The following FRRS1 variants were observed in gnomAD, a reference collection of about 807,000 sequenced individuals.
FRRS1 encodes the protein ferric chelate reductase 1, also known as ferric reductase 1.
FRRS1 carries 51 observed loss-of-function variants against 70.7 expected under a neutral mutation model. That is an observed-to-expected ratio of 0.72 (90% CI 0.58 to 0.91). The LOEUF (loss-of-function observed/expected upper bound fraction) is 0.91. Among genes scored for constraint, FRRS1 ranks in the 40% least tolerant of loss-of-function variants. FRRS1 has a pLI of 0.00. For synonymous variants in FRRS1, 225 were observed against 238.7 expected, an observed-to-expected ratio of 0.94 and a Z score of 0.53; for missense variants, 672 against 726.0, an observed-to-expected ratio of 0.93 and a Z score of 0.86.
Position 99,719,591 on chromosome 1 carries a change from TCA to T in FRRS1, c.1061_1062del (p.Val354AspfsTer32), listed in dbSNP as rs1654711290. On this transcript the variant is annotated frameshift_variant, in exon 10 of 17. Coordinates refer to ENST00000646001, the MANE Select transcript of FRRS1 (RefSeq NM_001361041.2). LOFTEE classifies it high-confidence loss of function. The stretch of plus-strand genomic sequence containing the variant: ...CCTCCTATGTTCTTTGGAGAGTCTG[TCA>T]CATCATATTTTTCATAGGTAATCAA... ...QPLITYEKYDVTDSPKNIGGS... is the reference protein window; with the variant it reads ...QPLITYEKYDXTDSPKNIGGS... 6.2e-7 allele frequency: 1 copy of T among 1,612,250 alleles called. No homozygotes were observed. The highest frequency in any genetic ancestry group is 1.3e-5 in the African/African-American group (1 of 74,992).
In FRRS1 at chr1:99,712,643, T is replaced by C. The variant is rs1318873897; in HGVS notation, c.1324-128A>G. The C allele has an allele frequency of 7.3e-6, 4 of 548,434 alleles. No homozygotes were observed. In the South Asian group the frequency reaches 8.7e-5, roughly 12 times the overall value. 34.0% of individuals were successfully genotyped at this position (548,434 alleles called of 1,614,324 possible). A position where few individuals can be genotyped will look rare whatever the true frequency, so the allele number is the denominator to read the frequency against. On this transcript the variant is annotated intron_variant, in intron 12 of 16. Transcript: ENST00000646001. ...GGCTTTAAAGATTCAATAATGATGA[T>C]AATAATAATATGCAACATTCACTGA...
intron 7 of FRRS1, among the ~76,000 whole-genome samples, chr1:99,736,305 C>T (rs1655652652): frequency 6.6e-6 from 1 of 152,120 alleles, no homozygotes; most frequent in African/African-American, 2.4e-5. Flanking sequence ...ATAAAATTTC[C>T]TATACAAGCA....
chr1:99,732,776 T>C (rs909283344), intron 7 of FRRS1, among the ~76,000 whole-genome samples: 2 of 152,100 alleles, frequency 1.3e-5, no homozygotes, highest in African/African-American at 4.8e-5. Context: ...ACAGTTTTTC[T>C]ATAATTATTA....
At chr1:99,763,566 T>C (rs1446185837) in intron 1 of FRRS1, among the ~76,000 whole-genome samples, 1 of 152,142 alleles carries the variant, frequency 6.6e-6, no homozygotes, top group African/African-American at 2.4e-5. Flanking sequence ...GGAAATTTCA[T>C]TTCTAGAAAT....
intron 7 of FRRS1, among the ~76,000 whole-genome samples, chr1:99,731,863 G>T (rs888925638): frequency 1.3e-5 from 2 of 151,970 alleles, no homozygotes; most frequent in Non-Finnish European, 2.9e-5. Context: ...ATGGATTCTC[G>T]CCCTGTTGCC....
intron 7 of FRRS1, among the ~76,000 whole-genome samples, chr1:99,737,426 T>A (rs912929986): frequency 2.0e-5 from 3 of 152,364 alleles, no homozygotes; most frequent in Non-Finnish European, 2.9e-5. Context: ...TTCTGGCCAC[T>A]TGAATAAACA....
chr1:99,753,471 A>G lies in FRRS1; in HGVS notation c.-105-4470T>C, dbSNP rs145292277. ...AAGCACAACAAAGTGAAGTGCCATA[A>G]AACAAGCTATCCCTGGCCGGGCGCG... is the stretch of plus-strand genomic sequence containing the variant. On this transcript the variant is annotated intron_variant, in intron 1 of 16. Coordinates refer to ENST00000646001, the MANE Select transcript of FRRS1 (RefSeq NM_001361041.2). 8.7e-4 allele frequency among the ~76,000 whole-genome samples: 132 copies of G among 152,192 alleles called. 2 individuals carry two copies. In the East Asian group the frequency reaches 0.023, roughly 26 times the overall value.
chr1:99,751,590 A>C (rs1656571637), intron 1 of FRRS1, among the ~76,000 whole-genome samples: 1 of 152,148 alleles, frequency 6.6e-6, no homozygotes, highest in African/African-American at 2.4e-5. Flanking sequence ...AGAAGAGAGT[A>C]GAGTGAAATA....
chr1:99,707,855 T>C lies in FRRS1; in HGVS notation c.*1173A>G, dbSNP rs1002558745. Reference sequence around the variant, plus strand: ...CTGATTCAGTAGAACATAAAAAATGTCTAACAAAACAGAACCAGACACATT... The same window carrying C: ...CTGATTCAGTAGAACATAAAAAATGCCTAACAAAACAGAACCAGACACATT... On this transcript the variant is annotated 3_prime_UTR_variant, in exon 17 of 17. Coordinates refer to ENST00000646001, the MANE Select transcript of FRRS1 (RefSeq NM_001361041.2). 6.6e-6 allele frequency among the ~76,000 whole-genome samples: 1 copy of C among 152,178 alleles called. No homozygotes were observed. Among genetic ancestry groups the C allele is most frequent in the African/African-American group, 2.4e-5 (1 of 41,444 alleles).
intron 8 of FRRS1, 74 bp downstream of exon 8, chr1:99,729,576 C>T: frequency 1.1e-6 from 1 of 912,560 alleles, no homozygotes; most frequent in Non-Finnish European, 1.8e-6. Context: ...TCTAGCAGCA[C>T]AGCCACGCCA....
chr1:99,720,834 AACACACACACACACACACAC>A (rs57397996), intron 9 of FRRS1, among the ~76,000 whole-genome samples: 34 of 137,336 alleles, frequency 2.5e-4, no homozygotes, highest in South Asian at 1.7e-3. Flanking sequence ...AGCATTTCCT[AACACACACACACACACACAC>A]ACACACACAC....
rs1255064057 is a variant in FRRS1 at position 99,747,399 on chromosome 1, A to G, written c.228T>C (p.Phe76=). ...CCTCAGCATTACGCGCTTCTAGGAG[A>G]AAGCCTTTAAATGGATGCCCTGACA... ...VTLSGHPFKG[F]LLEARNAEDL... Residue 76 remains phenylalanine (F), a synonymous_variant, in exon 4 of 17, where the codon TTT becomes TTC. Transcript: ENST00000646001. 1 of 1,613,582 alleles carries G rather than the reference A, an allele frequency of 6.2e-7. No individual in the cohort carries two copies. The highest frequency in any genetic ancestry group is 1.7e-5 in the Admixed American group (1 of 59,916).
intron 7 of FRRS1, among the ~76,000 whole-genome samples, chr1:99,737,273 T>TA (rs59108934): frequency 0.49 from 75,037 of 151,994 alleles, 22,526 homozygotes; most frequent in African/African-American, 0.85. Context: ...AGAATCGGCT[T>TA]AAAATAAATG....
chr1:99,755,865 A>G (rs971607599), intron 1 of FRRS1, among the ~76,000 whole-genome samples: 1 of 152,250 alleles, frequency 6.6e-6, no homozygotes, highest in African/African-American at 2.4e-5. Context: ...TTAGGAAAAT[A>G]TAACAAGGTC....
At chr1:99,742,004 G>C (rs1557699888) in intron 5 of FRRS1, among the ~76,000 whole-genome samples, 175 bp downstream of exon 5, 2 of 152,200 alleles carry the variant, frequency 1.3e-5, no homozygotes, top group Non-Finnish European at 2.9e-5. Flanking sequence ...TATACTAGTA[G>C]TTACAGAGTT....
rs765740240 is a variant in FRRS1 at position 99,709,001 on chromosome 1, C to T, written c.*27G>A. 39 of 1,613,684 alleles carry T rather than the reference C, an allele frequency of 2.4e-5. No homozygotes were observed. In the East Asian group the frequency reaches 4.7e-4, roughly 19 times the overall value. On this transcript the variant is annotated 3_prime_UTR_variant, in exon 17 of 17. Coordinates refer to ENST00000646001, the MANE Select transcript of FRRS1 (RefSeq NM_001361041.2). ...TGGTTTGATGATAATTATCACTTGG[C>T]CTGCAAAAGCCAAGGTCTTTGCTTG...
rs1008368703 is a variant in FRRS1, at chr1:99,747,403, C to A, written c.224G>T (p.Gly75Val). The change falls in exon 4 of 17, where the codon GGC becomes GTC. Residue 75 changes from glycine (G) to valine (V), a missense_variant. By Grantham distance (109) the Gly-to-Val change is moderately radical. Coordinates refer to ENST00000646001, the MANE Select transcript of FRRS1 (RefSeq NM_001361041.2). Reference sequence around the variant, plus strand: ...AGCATTACGCGCTTCTAGGAGAAAGCCTTTAAATGGATGCCCTGACAAAGT... The same window carrying A: ...AGCATTACGCGCTTCTAGGAGAAAGACTTTAAATGGATGCCCTGACAAAGT... ...EVTLSGHPFK[G>V]FLLEARNAED... is the part of the protein sequence containing the mutation. The A allele has an allele frequency of 1.9e-6, 3 of 1,612,760 alleles. No individual in the cohort carries two copies. Among genetic ancestry groups the A allele is most frequent in the Admixed American group, 1.7e-5 (1 of 59,760 alleles).
At chr1:99,734,012 A>G (rs2095788) in intron 7 of FRRS1, among the ~76,000 whole-genome samples, 74,389 of 151,734 alleles carry the variant, frequency 0.49, 22,084 homozygotes, top group African/African-American at 0.84. Flanking sequence ...TATCCCTTAC[A>G]TAGCATTTGT....
chr1:99,749,994 A>T (rs577343648), intron 1 of FRRS1, among the ~76,000 whole-genome samples: 1 of 152,354 alleles, frequency 6.6e-6, no homozygotes, highest in African/African-American at 2.4e-5. Flanking sequence ...GTCATAGACA[A>T]TAGCAGCCTT....
Sources: gnomAD v4.1 joint callset for allele counts (sites outside exome capture counted in the v4.1 genomes callset) on GRCh38, gnomAD v4.1.1 for gene constraint, MANE v1.5 for transcripts, NCBI Gene and HGNC (gene_info 2026-07-23, HGNC 2026-07-21) for gene names.